CCBE1: variants seen among roughly 807,000 people sequenced by gnomAD.
The protein encoded by CCBE1 is collagen and calcium-binding EGF domain-containing protein 1.
A neutral mutation model predicts 50.0 loss-of-function variants in CCBE1; 37 were observed. The ratio of observed to expected loss-of-function variants is 0.74; its 90% CI spans 0.57 to 0.97. CCBE1 has a LOEUF of 0.97. CCBE1 is among the 50% of genes least tolerant of loss of function. The probability of loss-of-function intolerance (pLI) is 0.00; values close to 1 mark genes in which losing one functional copy is unlikely to be tolerated. For synonymous variants in CCBE1, 234 were observed against 203.7 expected (o/e 1.15, Z -1.27); for missense variants, 538 against 523.8 (o/e 1.03, Z -0.26).
chr18:59,535,947 C>G (rs1915230535), intron 2 of CCBE1, among the ~76,000 whole-genome samples: 1 of 152,184 alleles, frequency 6.6e-6, no homozygotes, highest in South Asian at 2.1e-4. Flanking sequence ...CTTGGCTTCC[C>G]AAAGTGTTTG....
chr18:59,626,296 G>T (rs921012596), intron 2 of CCBE1, among the ~76,000 whole-genome samples: 4 of 152,172 alleles, frequency 2.6e-5, no homozygotes, highest in Admixed American at 1.3e-4. Context: ...AAACCACCTC[G>T]CAATGCATCT....
In CCBE1 at chr18:59,687,892, T is replaced by C. The variant is rs1054055476; in HGVS notation, c.212+8737A>G. ...AGGAGAATCCCTTGAACCCCAGAGT[T>C]GGAGGTTGCAGTGAGCTGAGATTGC... On this transcript the variant is annotated intron_variant, in intron 2 of 10. Transcript: ENST00000439986. Among the ~76,000 whole-genome samples, 5 of 152,166 alleles carry C rather than the reference T, an allele frequency of 3.3e-5. No individual in the cohort carries two copies. The South Asian group carries it at 6.2e-4, about 19-fold the overall frequency.
chr18:59,480,687 A>G (rs1912530194), intron 2 of CCBE1, among the ~76,000 whole-genome samples: 1 of 152,164 alleles, frequency 6.6e-6, no homozygotes. Context: ...GTAATATAAC[A>G]ATAATTAGGT....
intron 2 of CCBE1, among the ~76,000 whole-genome samples, chr18:59,619,018 GT>G (rs2053676063): frequency 6.6e-6 from 1 of 152,114 alleles, no homozygotes; most frequent in South Asian, 2.1e-4. Flanking sequence ...GTTTTTAGCA[GT>G]TAGAAATTAA....
intron 2 of CCBE1, among the ~76,000 whole-genome samples, chr18:59,566,108 G>A (rs2052822080): frequency 6.6e-6 from 1 of 152,204 alleles, no homozygotes; most frequent in East Asian, 1.9e-4. Context: ...GACACACACT[G>A]CAACAGCAAC....
At chr18:59,517,100 G>A (rs1396335250) in intron 2 of CCBE1, among the ~76,000 whole-genome samples, 5 of 152,222 alleles carry the variant, frequency 3.3e-5, no homozygotes, top group African/African-American at 1.2e-4. Flanking sequence ...GGCACAGCAG[G>A]TGGGACAGGT....
At chr18:59,684,300 T>C (rs1279598835) in intron 2 of CCBE1, among the ~76,000 whole-genome samples, 1 of 152,138 alleles carries the variant, frequency 6.6e-6, no homozygotes, top group Non-Finnish European at 1.5e-5. Context: ...AATACAAAAA[T>C]TGGCCTGGCG....
chr18:59,529,923 C>T (rs1170034349), intron 2 of CCBE1, among the ~76,000 whole-genome samples: 1 of 152,148 alleles, frequency 6.6e-6, no homozygotes. Flanking sequence ...GGGTCTTGTT[C>T]TGAAGTTCTC....
chr18:59,461,600 G>T (rs12455941), intron 5 of CCBE1, among the ~76,000 whole-genome samples: 1 of 152,082 alleles, frequency 6.6e-6, no homozygotes, highest in East Asian at 1.9e-4. Context: ...TACTGTAGAA[G>T]GGTGCTGCTG....
rs561591277 is a variant in CCBE1, at chr18:59,480,011, C to T, written c.265+175G>A. Among the ~76,000 whole-genome samples, 207 of 152,290 alleles carry T rather than the reference C, an allele frequency of 1.4e-3. 5 individuals are homozygous for T. The Middle Eastern group carries it at 0.017, about 13-fold the overall frequency. On this transcript the variant is annotated intron_variant, in intron 3 of 10. Transcript: ENST00000439986. ...ATCATGTAATGATTCAGACACTGCA[C>T]GCTACATATAACAAAATTGGCGTCA...
intron 2 of CCBE1, among the ~76,000 whole-genome samples, chr18:59,677,913 T>G (rs2054528766): frequency 6.6e-6 from 1 of 152,090 alleles, no homozygotes; most frequent in Non-Finnish European, 1.5e-5. Context: ...ACAGGAAAGG[T>G]AAGATACAGT....
chr18:59,454,723 A>T (rs1911099250), intron 6 of CCBE1, 128 bp downstream of exon 6: 2 of 832,934 alleles, frequency 2.4e-6, no homozygotes, highest in Non-Finnish European at 4.0e-6. Context: ...GTCCATGCAA[A>T]CCTCACTGGC....
intron 2 of CCBE1, among the ~76,000 whole-genome samples, chr18:59,684,867 A>G (rs944500802): frequency 7.9e-5 from 12 of 152,186 alleles, no homozygotes; most frequent in Admixed American, 1.3e-4. Context: ...AGCCCGTAAG[A>G]AGCCTTTTGT....
chr18:59,676,159 C>G (rs2054499116), intron 2 of CCBE1, among the ~76,000 whole-genome samples: 1 of 152,240 alleles, frequency 6.6e-6, no homozygotes, highest in African/African-American at 2.4e-5. Flanking sequence ...CAATTCCTAG[C>G]AAGTTCACCG....
intron 2 of CCBE1, among the ~76,000 whole-genome samples, chr18:59,626,164 T>A (rs2053782031): frequency 6.6e-6 from 1 of 152,196 alleles, no homozygotes; most frequent in African/African-American, 2.4e-5. Flanking sequence ...TTGACCAATC[T>A]TAGTATCTAT....
chr18:59,525,292 C>G (rs565820794), intron 2 of CCBE1, among the ~76,000 whole-genome samples: 3 of 152,328 alleles, frequency 2.0e-5, no homozygotes, highest in African/African-American at 7.2e-5. Context: ...AATGGTATCT[C>G]ATTGCGGTTT....
At chr18:59,594,476 T>C (rs1010673387) in intron 2 of CCBE1, among the ~76,000 whole-genome samples, 14 of 152,298 alleles carry the variant, frequency 9.2e-5, no homozygotes, top group East Asian at 1.9e-4. Context: ...TGGATGATGA[T>C]TGATGGTTGC....
At chr18:59,494,072 A>T (rs1274495907) in intron 2 of CCBE1, among the ~76,000 whole-genome samples, 1 of 152,214 alleles carries the variant, frequency 6.6e-6, no homozygotes, top group Admixed American at 6.5e-5. Flanking sequence ...CTCAGGAAGC[A>T]GCATGAAAAT....
At chr18:59,567,693 G>A (rs1031137337) in intron 2 of CCBE1, among the ~76,000 whole-genome samples, 5 of 152,134 alleles carry the variant, frequency 3.3e-5, no homozygotes, top group East Asian at 3.9e-4. Context: ...GATATCCTAC[G>A]TTCTGCCTAA....
Sources: allele counts gnomAD v4.1 joint callset (sites outside exome capture counted in the v4.1 genomes callset), GRCh38; gene constraint gnomAD v4.1.1; transcripts MANE v1.5; gene names NCBI Gene and HGNC (gene_info 2026-07-23, HGNC 2026-07-21).